Variants in UPRT observed in about 807,000 individuals in gnomAD.
The protein encoded by UPRT is uracil phosphoribosyltransferase homolog, also known as RP11-311P8.3.
In UPRT, 5 loss-of-function variants were observed where a neutral mutation model predicts 22.6. That is an observed-to-expected ratio of 0.22 (90% confidence interval 0.12 to 0.47). The LOEUF (loss-of-function observed/expected upper bound fraction) is 0.47, where lower values mean the gene tolerates loss of function less well. Ranked by LOEUF, UPRT falls within the 20% of genes least tolerant of loss-of-function variation. UPRT has a pLI of 0.99. For synonymous variants in UPRT, 77 were observed against 87.7 expected, an observed-to-expected ratio of 0.88 and a Z score of 0.68; for missense variants, 181 against 239.9, an observed-to-expected ratio of 0.75 and a Z score of 1.62.
At chrX:75,294,686 A>G (rs759942606) in intron 2 of UPRT, 1 of 707,494 alleles carries the variant, frequency 1.4e-6, no homozygotes, top group Admixed American at 4.5e-5. Flanking sequence ...GGCAGTAATA[A>G]CCCTTAGATA....
intron 4 of UPRT, among the ~76,000 whole-genome samples, chrX:75,184,381 A>G (rs2147612576): frequency 9.3e-6 from 1 of 107,371 alleles, no homozygotes; most frequent in South Asian, 4.1e-4. Context: ...CCATTGATCT[A>G]TATCTCTGTT....
chrX:75,195,724 T>G (rs1200981264), intron 4 of UPRT, among the ~76,000 whole-genome samples: 1 of 111,434 alleles, frequency 9.0e-6, no homozygotes, highest in Non-Finnish European at 1.9e-5. Flanking sequence ...CCGTTCAGGG[T>G]TCCCAGCTTC....
intron 3 of UPRT, among the ~76,000 whole-genome samples, chrX:75,165,171 GTGGAGAACAGT>G (rs1423807910): frequency 9.1e-6 from 1 of 109,986 alleles, no homozygotes; most frequent in Non-Finnish European, 1.9e-5. Context: ...CTCAACAGAA[GTGGAGAACAGT>G]TGCTCAATAC....
chrX:75,301,016 G>T (rs771606002), intron 6 of UPRT, 51 bp downstream of exon 6: 3 of 895,979 alleles, frequency 3.3e-6, no homozygotes, highest in Non-Finnish European at 4.7e-6. Flanking sequence ...CCTGAGGTGG[G>T]TAAGTATGCA....
chrX:75,252,755 T>C (rs759914311), intron 4 of UPRT, among the ~76,000 whole-genome samples: 1 of 112,134 alleles, frequency 8.9e-6, no homozygotes, highest in African/African-American at 3.2e-5. Flanking sequence ...ATGTTTATTG[T>C]GGCACTATTC....
intron 4 of UPRT, among the ~76,000 whole-genome samples, chrX:75,247,552 G>T (rs180939265): frequency 2.8e-4 from 31 of 112,220 alleles, no homozygotes; most frequent in African/African-American, 8.7e-4. Flanking sequence ...AGATATTGCC[G>T]AGGCTTGACT....
At chrX:75,184,920 G>C (rs1569261019) in intron 4 of UPRT, among the ~76,000 whole-genome samples, 2 of 111,088 alleles carry the variant, frequency 1.8e-5, no homozygotes, top group Non-Finnish European at 3.8e-5. Context: ...GAGATTTTGG[G>C]CTCACACAAT....
intron 4 of UPRT, among the ~76,000 whole-genome samples, chrX:75,208,841 TG>T (rs1298956247): frequency 9.0e-6 from 1 of 111,557 alleles, no homozygotes; most frequent in Non-Finnish European, 1.9e-5. Flanking sequence ...ATGTGATGTG[TG>T]GCTATTGTGG....
intron 4 of UPRT, among the ~76,000 whole-genome samples, chrX:75,221,268 G>A (rs1365301312): frequency 1.8e-5 from 2 of 109,358 alleles, no homozygotes; most frequent in Non-Finnish European, 3.8e-5. Flanking sequence ...TGACATTTTG[G>A]GAATTTGACT....
intron 4 of UPRT, among the ~76,000 whole-genome samples, chrX:75,260,107 C>A (rs190886684): frequency 6.1e-4 from 68 of 111,933 alleles, no homozygotes; most frequent in Admixed American, 2.0e-3. Flanking sequence ...CTGAAGGAAG[C>A]ACTCAACATG....
At chrX:75,179,762 T>TGG (rs1025541899) in intron 4 of UPRT, among the ~76,000 whole-genome samples, 5 of 112,957 alleles carry the variant, frequency 4.4e-5, no homozygotes, top group African/African-American at 1.6e-4. Flanking sequence ...CTGGCCCGGG[T>TGG]GCTAAGTCCC....
intron 1 of UPRT, among the ~76,000 whole-genome samples, chrX:75,278,105 G>A (rs982034265): frequency 1.8e-5 from 2 of 111,277 alleles, no homozygotes. Flanking sequence ...GGAACTGTCC[G>A]ATAATAGAAG....
chrX:75,193,970 C>A (rs1028535677), intron 4 of UPRT, among the ~76,000 whole-genome samples: 1 of 111,935 alleles, frequency 8.9e-6, no homozygotes, highest in African/African-American at 3.2e-5. Flanking sequence ...TCAGCCATCT[C>A]CACCTGGTTA....
chrX:75,253,748 C>A (rs993901383), intron 4 of UPRT, among the ~76,000 whole-genome samples: 5 of 111,816 alleles, frequency 4.5e-5, no homozygotes, highest in Non-Finnish European at 9.4e-5. Flanking sequence ...CTTTGAGTGC[C>A]AAAAGTGTGA....
chrX:75,227,458 A>T (rs965084432), intron 4 of UPRT, among the ~76,000 whole-genome samples: 1 of 111,189 alleles, frequency 9.0e-6, no homozygotes, highest in African/African-American at 3.3e-5. Context: ...TAATAAAGAG[A>T]TCTACATGGA....
chrX:75,177,128 T>A (rs1229827123), intron 4 of UPRT, among the ~76,000 whole-genome samples: 1 of 110,813 alleles, frequency 9.0e-6, no homozygotes, highest in East Asian at 2.8e-4. Context: ...ACCCTGCTGA[T>A]CAGAATAGTT....
At chrX:75,233,759 C>G (rs922110982) in intron 4 of UPRT, among the ~76,000 whole-genome samples, 2 of 110,763 alleles carry the variant, frequency 1.8e-5, no homozygotes, top group South Asian at 7.9e-4. Context: ...ACCACCAGGC[C>G]TGCCCTAAAA....
intron 4 of UPRT, among the ~76,000 whole-genome samples, chrX:75,195,564 G>GAT (rs2082330404): frequency 8.9e-6 from 1 of 112,200 alleles, no homozygotes; most frequent in Non-Finnish European, 1.9e-5. Flanking sequence ...AGTTCTCACT[G>GAT]CCAGCTGAAG....
intron 4 of UPRT, among the ~76,000 whole-genome samples, chrX:75,222,953 A>C (rs2082414396): frequency 9.1e-6 from 1 of 110,354 alleles, no homozygotes; most frequent in Non-Finnish European, 1.9e-5. Flanking sequence ...TCACATCTGA[A>C]ACCAGCACAT....
Sources: gnomAD v4.1 joint callset for allele counts (sites outside exome capture counted in the v4.1 genomes callset) on GRCh38, gnomAD v4.1.1 for gene constraint, MANE v1.5 for transcripts, NCBI Gene and HGNC (gene_info 2026-07-23, HGNC 2026-07-21) for gene names.